Variants in GRIK5 observed in about 807,000 individuals in gnomAD.
The protein encoded by GRIK5 is glutamate receptor ionotropic, kainate 5.
GRIK5 carries 43 observed loss-of-function variants against 97.4 expected under a neutral mutation model. That is an observed-to-expected ratio of 0.44 (90% confidence interval 0.35 to 0.57). The LOEUF (loss-of-function observed/expected upper bound fraction) is 0.57. Ranked by LOEUF, GRIK5 falls within the 20% of genes least tolerant of loss-of-function variation. The pLI, the probability that GRIK5 is intolerant of heterozygous loss-of-function variation, is 0.01. For synonymous variants in GRIK5, 580 were observed against 583.5 expected, an observed-to-expected ratio of 0.99 and a Z score of 0.09; for missense variants, 1,015 against 1,382.0, an observed-to-expected ratio of 0.73 and a Z score of 4.21.
At chr19:42,026,945 C>T (rs1389731190) in intron 12 of GRIK5, among the ~76,000 whole-genome samples, 1 of 152,128 alleles carries the variant, frequency 6.6e-6, no homozygotes, top group Non-Finnish European at 1.5e-5. Context: ...CTCAATAAGA[C>T]TATGTGCCAT....
In GRIK5 at chr19:42,002,282, G is replaced by A. The variant is rs1352473006; in HGVS notation, c.2514+1050C>T. 4.2e-5 allele frequency: 30 copies of A among 717,542 alleles called. No individual in the cohort carries two copies. Among genetic ancestry groups the A allele is most frequent in the African/African-American group, 1.4e-4 (8 of 57,246 alleles). 44.4% of individuals were successfully genotyped at this position (717,542 alleles called of 1,614,324 possible). A position where few individuals can be genotyped will look rare whatever the true frequency, so the allele number is the denominator to read the frequency against. ...GTAAAGAGAAGGGAAGAAAGTGGGCGGTGGCTGGGAGGGAAAGTGAGGTCA... is the reference window on the plus strand; with the variant it reads ...GTAAAGAGAAGGGAAGAAAGTGGGCAGTGGCTGGGAGGGAAAGTGAGGTCA... On this transcript the variant is annotated intron_variant, in intron 19 of 19. Transcript: ENST00000593562. The surrounding 1 kb of genome is among the most constrained non-coding windows in gnomAD (Gnocchi z 5.2).
Position 42,021,198 on chromosome 19 carries a change from C to T in GRIK5, c.1871+103G>A, listed in dbSNP as rs751422036. 6.6e-5 allele frequency: 61 copies of T among 920,844 alleles called. No individual in the cohort carries two copies. Among genetic ancestry groups the T allele is most frequent in the Admixed American group, 1.0e-4 (4 of 39,142 alleles). 57.0% of individuals were successfully genotyped at this position (920,844 alleles called of 1,614,324 possible). ...CGTCACACAGCTCTGCAAGGGAAAA[C>T]GGGGAATCAAATCTTCCAGGAGATG... On this transcript the variant is annotated intron_variant, in intron 15 of 19. Coordinates refer to ENST00000593562, the MANE Select transcript of GRIK5 (RefSeq NM_002088.5). This position sits in a 1 kb window ranked among gnomAD's most constrained non-coding sequence, Gnocchi z 4.2.
chr19:42,047,960 G>C (rs949769653), intron 11 of GRIK5, among the ~76,000 whole-genome samples: 40 of 132,040 alleles, frequency 3.0e-4, no homozygotes, highest in African/African-American at 1.0e-3. Flanking sequence ...GCAACAGAGT[G>C]AGACTCTGTC....
intron 11 of GRIK5, among the ~76,000 whole-genome samples, chr19:42,049,444 C>A (rs2076084521): frequency 6.6e-6 from 1 of 152,112 alleles, no homozygotes; most frequent in Non-Finnish European, 1.5e-5. Context: ...GCAGTACATT[C>A]AACATACAAC....
intron 5 of GRIK5, among the ~76,000 whole-genome samples, chr19:42,061,409 C>T (rs940257846): frequency 2.6e-5 from 4 of 152,020 alleles, no homozygotes; most frequent in Non-Finnish European, 2.9e-5. Flanking sequence ...GAACTCCTGG[C>T]CTCAAGCCAT....
At chr19:42,009,223 G>A (rs1555873483) in intron 15 of GRIK5, among the ~76,000 whole-genome samples, 1 of 151,932 alleles carries the variant, frequency 6.6e-6, no homozygotes. Flanking sequence ...AGACCTTATC[G>A]TTATTTTTTT....
At chr19:42,050,904 A>C (rs2076106558) in intron 11 of GRIK5, among the ~76,000 whole-genome samples, 1 of 152,060 alleles carries the variant, frequency 6.6e-6, no homozygotes, top group Non-Finnish European at 1.5e-5. Context: ...AGGTGCTCTC[A>C]CACGTACCTT....
chr19:42,003,305 G>GGGCCCCCCCCC lies in GRIK5; in HGVS notation c.2514+26_2514+27insGGGGGGGGGCC. The GGGCCCCCCCCC allele has an allele frequency of 6.5e-7, 1 of 1,540,746 alleles. No homozygotes were observed. Among genetic ancestry groups the GGGCCCCCCCCC allele is most frequent in the Non-Finnish European group, 8.9e-7 (1 of 1,118,206 alleles). On this transcript the variant is annotated intron_variant, in intron 19 of 19. Coordinates refer to ENST00000593562, the MANE Select transcript of GRIK5 (RefSeq NM_002088.5). The surrounding 1 kb of genome is among the most constrained non-coding windows in gnomAD (Gnocchi z 4.2). ...TCAGCCCCTGGGGGTCCCTGTTCCTGCCCACCCCCACCCCCAGCCTCCTCA... is the reference window on the plus strand; with the variant it reads ...TCAGCCCCTGGGGGTCCCTGTTCCTGGGCCCCCCCCCCCCACCCCCACCCCCAGCCTCCTCA...
intron 11 of GRIK5, among the ~76,000 whole-genome samples, chr19:42,044,879 G>A (rs1410310802): frequency 3.3e-5 from 5 of 152,198 alleles, no homozygotes; most frequent in Non-Finnish European, 4.4e-5. Context: ...CTCAGGTTGC[G>A]GTGAGCCGAG....
intron 15 of GRIK5, among the ~76,000 whole-genome samples, chr19:42,019,710 A>G (rs2075673915): frequency 6.6e-6 from 1 of 152,208 alleles, no homozygotes; most frequent in Non-Finnish European, 1.5e-5. Flanking sequence ...TGTGGATCCT[A>G]TGCTGCTGGT....
chr19:42,002,181 G>C lies in GRIK5; in HGVS notation c.2514+1151C>G. 1.4e-6 allele frequency: 1 copy of C among 717,630 alleles called. No individual in the cohort carries two copies. Among genetic ancestry groups the C allele is most frequent in the Non-Finnish European group, 2.6e-6 (1 of 385,142 alleles). 44.5% of individuals were successfully genotyped at this position (717,630 alleles called of 1,614,324 possible). On this transcript the variant is annotated intron_variant, in intron 19 of 19. Transcript: ENST00000593562. The surrounding 1 kb of genome is among the most constrained non-coding windows in gnomAD (Gnocchi z 5.2). ...AGTGGCAGGGACCGATGCCAGACTG[G>C]AGTGGGGGGCAAGAGGAAATGGGAG...
intron 12 of GRIK5, among the ~76,000 whole-genome samples, chr19:42,040,747 G>A (rs574612718): frequency 7.6e-4 from 116 of 152,178 alleles, no homozygotes; most frequent in African/African-American, 2.7e-3. Context: ...CCAGCTACTC[G>A]GAAGGCCGAG....
At chr19:42,034,547 C>G in intron 12 of GRIK5, among the ~76,000 whole-genome samples, 1 of 152,072 alleles carries the variant, frequency 6.6e-6, no homozygotes, top group Admixed American at 6.6e-5. Context: ...AAACACTCTT[C>G]CCCAGATCCA....
chr19:42,010,967 G>A (rs1019893739), intron 15 of GRIK5, among the ~76,000 whole-genome samples: 2 of 151,902 alleles, frequency 1.3e-5, no homozygotes, highest in African/African-American at 4.8e-5. Context: ...CACCATGCCT[G>A]GCTAATGTTT....
At chr19:42,040,537 C>T (rs975262198) in intron 12 of GRIK5, among the ~76,000 whole-genome samples, 2 of 152,130 alleles carry the variant, frequency 1.3e-5, no homozygotes, top group South Asian at 2.1e-4. Context: ...CTGTCTCACC[C>T]GGGGCCTCTT....
chr19:42,007,521 A>G (rs1555873006), intron 15 of GRIK5, among the ~76,000 whole-genome samples: 1 of 152,216 alleles, frequency 6.6e-6, no homozygotes, highest in Non-Finnish European at 1.5e-5. Context: ...AAGCCCAAAC[A>G]GCCCAGCAAT....
In GRIK5 at chr19:42,005,704, A is replaced by G; in HGVS notation, c.2263+19T>C. 1 of 1,570,118 alleles carries G rather than the reference A, an allele frequency of 6.4e-7. No individual in the cohort carries two copies. Among genetic ancestry groups the G allele is most frequent in the Non-Finnish European group, 8.8e-7 (1 of 1,141,260 alleles). On this transcript the variant is annotated intron_variant, in intron 17 of 19. Transcript: ENST00000593562. Reference sequence around the variant, plus strand: ...GATGCCCACGGCCCTGCTGTGTTCCACACCGTGCTGTGCCGTACCCAGCGG... The same window carrying G: ...GATGCCCACGGCCCTGCTGTGTTCCGCACCGTGCTGTGCCGTACCCAGCGG...
At chr19:42,005,177 C>T (rs2075470624) in intron 17 of GRIK5, among the ~76,000 whole-genome samples, 1 of 131,934 alleles carries the variant, frequency 7.6e-6, no homozygotes, top group Non-Finnish European at 1.5e-5. Flanking sequence ...CGAGGTGGCT[C>T]ATACCTGTAA....
rs150883200 is a variant in GRIK5 at position 42,012,543 on chromosome 19, G to A, written c.1872-5733C>T. Among the ~76,000 whole-genome samples the A allele has an allele frequency of 3.4e-3, 510 of 151,916 alleles. 6 individuals carry two copies. Among genetic ancestry groups the A allele is most frequent in the African/African-American group, 0.011 (446 of 41,460 alleles). On this transcript the variant is annotated intron_variant, in intron 15 of 19. Transcript: ENST00000593562. Reference sequence around the variant, plus strand: ...TAGGATTACAGGCATGAGCCACCACGCCCGGCCAGTTTTCACATTTTTAAA... The same window carrying A: ...TAGGATTACAGGCATGAGCCACCACACCCGGCCAGTTTTCACATTTTTAAA...
Sources: gnomAD v4.1 joint callset for allele counts (sites outside exome capture counted in the v4.1 genomes callset) on GRCh38, gnomAD v4.1.1 for gene constraint, Gnocchi (gnomAD v3.1) non-coding constraint, MANE v1.5 for transcripts, NCBI Gene and HGNC (gene_info 2026-07-23, HGNC 2026-07-21) for gene names.